The following SHISA6 variants were observed in gnomAD, a reference collection of about 807,000 sequenced individuals.
The protein encoded by SHISA6 is protein shisa-6.
Under a neutral mutation model 47.9 loss-of-function variants are expected in SHISA6, and 22 were observed. The ratio of observed to expected loss-of-function variants is 0.46; its 90% CI spans 0.33 to 0.66. The LOEUF is 0.66. SHISA6 is among the 30% of genes least tolerant of loss of function. The pLI is 0.02. For missense variants in SHISA6, 680 were observed against 764.6 expected (o/e 0.89, Z 1.30); for synonymous variants, 388 against 337.8 (o/e 1.15, Z -1.63).
chr17:11,511,711 C>T (rs1018833269), intron 3 of SHISA6, among the ~76,000 whole-genome samples: 1 of 152,226 alleles, frequency 6.6e-6, no homozygotes, highest in Admixed American at 6.5e-5. Context: ...TCTTCTGCAT[C>T]ACTCCCTTAT....
intron 3 of SHISA6, among the ~76,000 whole-genome samples, chr17:11,524,575 C>T (rs562631295): frequency 2.2e-4 from 33 of 151,520 alleles, no homozygotes; most frequent in African/African-American, 7.8e-4. Context: ...CAGCTCACCA[C>T]AACCTCTGCC....
chr17:11,543,868 C>A, intron 3 of SHISA6, among the ~76,000 whole-genome samples: 1 of 132,424 alleles, frequency 7.6e-6, no homozygotes, highest in African/African-American at 2.9e-5. Context: ...AAAAGGTGAT[C>A]TTTTTAAAGA....
intron 2 of SHISA6, among the ~76,000 whole-genome samples, chr17:11,314,868 T>C (rs1182234416): frequency 6.6e-6 from 1 of 152,152 alleles, no homozygotes; most frequent in Non-Finnish European, 1.5e-5. Flanking sequence ...TGGAGCTCTA[T>C]AATCCATTTT....
rs545375686 is a variant in SHISA6, at chr17:11,376,693, A to G, written c.800-2721A>G. Among the ~76,000 whole-genome samples the G allele has an allele frequency of 8.5e-4, 130 of 152,250 alleles. No homozygotes were observed. The Middle Eastern group carries it at 0.01, about 12-fold the overall frequency. On this transcript the variant is annotated intron_variant, in intron 2 of 5. Coordinates refer to ENST00000441885, the MANE Select transcript of SHISA6 (RefSeq NM_207386.4). Reference sequence around the variant, plus strand: ...TGGTTCATATTAAACTTTGGAGGCTACAGAGAATGCAGATCATTCTAGACC... The same window carrying G: ...TGGTTCATATTAAACTTTGGAGGCTGCAGAGAATGCAGATCATTCTAGACC...
chr17:11,481,286 A>G (rs886859975), intron 3 of SHISA6, among the ~76,000 whole-genome samples: 2 of 151,434 alleles, frequency 1.3e-5, no homozygotes, highest in East Asian at 1.9e-4. Flanking sequence ...CTCAAAATAT[A>G]TATATATATA....
intron 3 of SHISA6, among the ~76,000 whole-genome samples, chr17:11,462,708 C>A (rs62062115): frequency 0.27 from 40,427 of 151,780 alleles, 5,554 homozygotes; most frequent in Middle Eastern, 0.37. Flanking sequence ...GCTCACTGCA[C>A]CCTCCACTTC....
chr17:11,247,255 C>T (rs1364590130), intron 1 of SHISA6, among the ~76,000 whole-genome samples: 2 of 152,190 alleles, frequency 1.3e-5, no homozygotes, highest in East Asian at 1.9e-4. Flanking sequence ...GACAGTCCTA[C>T]GGATCCGGAA....
chr17:11,319,724 A>G (rs9899715), intron 2 of SHISA6, among the ~76,000 whole-genome samples: 111,394 of 151,616 alleles, frequency 0.73, 41,079 homozygotes, highest in Middle Eastern at 0.77. Context: ...GGATATAAAC[A>G]CTGTTCAAAA....
At chr17:11,303,784 C>T (rs1160890399) in intron 2 of SHISA6, among the ~76,000 whole-genome samples, 2 of 152,166 alleles carry the variant, frequency 1.3e-5, no homozygotes, top group African/African-American at 4.8e-5. Context: ...AATAAAAGCT[C>T]GTTGTAAGGA....
At chr17:11,538,053 T>C (rs1036452015) in intron 3 of SHISA6, among the ~76,000 whole-genome samples, 29 of 152,206 alleles carry the variant, frequency 1.9e-4, no homozygotes, top group African/African-American at 5.8e-4. Context: ...CCTGAGTTTG[T>C]TGTTGTTGTT....
intron 2 of SHISA6, among the ~76,000 whole-genome samples, chr17:11,306,449 A>C (rs960700391): frequency 6.6e-6 from 1 of 152,104 alleles, no homozygotes; most frequent in Non-Finnish European, 1.5e-5. Context: ...AGAGTGGAGG[A>C]GGTTTCTGAT....
intron 3 of SHISA6, among the ~76,000 whole-genome samples, chr17:11,418,547 G>A (rs1019195586): frequency 1.3e-5 from 2 of 152,130 alleles, no homozygotes; most frequent in Non-Finnish European, 2.9e-5. Flanking sequence ...ACACCTTGGA[G>A]ACTATTTTCT....
chr17:11,467,172 C>T (rs937107729), intron 3 of SHISA6, among the ~76,000 whole-genome samples: 4 of 152,216 alleles, frequency 2.6e-5, no homozygotes, highest in South Asian at 2.1e-4. Context: ...GATCTATTTC[C>T]GTCATAAGTA....
intron 2 of SHISA6, among the ~76,000 whole-genome samples, chr17:11,300,581 GC>G (rs1451097784): frequency 6.6e-6 from 1 of 152,134 alleles, no homozygotes; most frequent in East Asian, 1.9e-4. Flanking sequence ...GCACCAGTGA[GC>G]TTTTAGAGAG....
At chr17:11,273,755 T>C (rs1261616884) in intron 2 of SHISA6, among the ~76,000 whole-genome samples, 2 of 152,198 alleles carry the variant, frequency 1.3e-5, no homozygotes, top group Admixed American at 6.5e-5. Context: ...GGCTTGTCGA[T>C]GTCAGGGTGT....
At chr17:11,326,919 C>A (rs1910915325) in intron 2 of SHISA6, among the ~76,000 whole-genome samples, 1 of 152,200 alleles carries the variant, frequency 6.6e-6, no homozygotes, top group Non-Finnish European at 1.5e-5. Context: ...AGGGAAACTT[C>A]TAAGACAATG....
intron 2 of SHISA6, among the ~76,000 whole-genome samples, chr17:11,376,406 C>T (rs1217264282): frequency 2.0e-5 from 3 of 151,810 alleles, no homozygotes; most frequent in Non-Finnish European, 4.4e-5. Flanking sequence ...CAACCTCCAC[C>T]TCCCAGGTTC....
chr17:11,333,081 A>G (rs777607703), intron 2 of SHISA6, among the ~76,000 whole-genome samples: 19 of 152,146 alleles, frequency 1.2e-4, no homozygotes, highest in African/African-American at 1.9e-4. Context: ...TGTGACAAGA[A>G]CACAGCAGCA....
chr17:11,541,359 T>A (rs1369005144), intron 3 of SHISA6, among the ~76,000 whole-genome samples: 1 of 152,160 alleles, frequency 6.6e-6, no homozygotes, highest in East Asian at 1.9e-4. Context: ...CAGTGACTGG[T>A]TTCATGTGAG....
Sources: gnomAD v4.1 joint callset for allele counts (sites outside exome capture counted in the v4.1 genomes callset) on GRCh38, gnomAD v4.1.1 for gene constraint, MANE v1.5 for transcripts, NCBI Gene and HGNC (gene_info 2026-07-23, HGNC 2026-07-21) for gene names.